IFT81: variants seen among roughly 807,000 people sequenced by gnomAD.
IFT81 encodes intraflagellar transport protein 81 homolog.
A neutral mutation model predicts 102.6 loss-of-function variants in IFT81; 72 were observed. The observed-to-expected ratio is 0.70, with a 90% CI of 0.58 to 0.85. IFT81 has a LOEUF of 0.85. Ranked by LOEUF, IFT81 falls within the 40% of genes least tolerant of loss-of-function variation. The pLI is 0.00. For synonymous variants in IFT81, 237 were observed against 242.7 expected (o/e 0.98, Z 0.22); for missense variants, 723 against 787.3 (o/e 0.92, Z 0.98).
chr12:110,205,584 T>A lies in IFT81; in HGVS notation c.1717-11T>A, dbSNP rs776686892. ...CAAAGTCTTCCCTAAAACTGAAGTC[T>A]TTCTATTTAGAACCTAGAAGTTCAA... is the stretch of plus-strand genomic sequence containing the variant. On this transcript the variant is annotated splice_polypyrimidine_tract_variant and intron_variant, in intron 16 of 18. Transcript: ENST00000242591. The A allele has an allele frequency of 7.5e-6, 12 of 1,596,770 alleles. No individual in the cohort carries two copies. The highest frequency in any genetic ancestry group is 7.7e-6 in the Non-Finnish European group (9 of 1,174,398).
intron 8 of IFT81, among the ~76,000 whole-genome samples, chr12:110,142,314 T>C (rs7132770): frequency 1.1e-3 from 160 of 152,176 alleles, no homozygotes; most frequent in African/African-American, 3.8e-3. Flanking sequence ...ACTACAGGCA[T>C]GTGCCACCAT....
At chr12:110,176,995 A>G (rs1403580344) in intron 11 of IFT81, among the ~76,000 whole-genome samples, 3 of 152,248 alleles carry the variant, frequency 2.0e-5, no homozygotes, top group African/African-American at 4.8e-5. Context: ...AATAGCATAT[A>G]TAGTTACTCT....
intron 4 of IFT81, among the ~76,000 whole-genome samples, chr12:110,131,786 A>T (rs1894179426): frequency 6.6e-6 from 1 of 152,234 alleles, no homozygotes; most frequent in Admixed American, 6.5e-5. Flanking sequence ...ACAGAAAATT[A>T]TAATAGTCAG....
chr12:110,208,208 T>C (rs1868935557), intron 17 of IFT81, among the ~76,000 whole-genome samples: 1 of 152,158 alleles, frequency 6.6e-6, no homozygotes, highest in Admixed American at 6.6e-5. Context: ...TATATAAAAA[T>C]AAGATTAAAC....
chr12:110,205,621 T>G lies in IFT81; in HGVS notation c.1743T>G (p.Ala581=). 6.2e-7 allele frequency: 1 copy of G among 1,604,802 alleles called. No individual in the cohort carries two copies. Among genetic ancestry groups the G allele is most frequent in the Non-Finnish European group, 8.5e-7 (1 of 1,177,456 alleles). ...IKNLEVQLRR[A]TDEMKAYISS... ...ACCTAGAAGTTCAACTTCGTCGTGC[T>G]ACTGATGAGATGAAGGCATATATCT... The change falls in exon 17 of 19, where the codon GCT becomes GCG. Residue 581 remains alanine (A), a synonymous_variant. Transcript: ENST00000242591.
chr12:110,147,178 A>C, intron 10 of IFT81, 130 bp downstream of exon 10: 5 of 594,980 alleles, frequency 8.4e-6, no homozygotes, highest in Non-Finnish European at 1.1e-5. Context: ...GCTAATCTCC[A>C]TAGTATATCA....
At chr12:110,167,827 AT>A (rs749039759) in intron 11 of IFT81, 76 of 280,894 alleles carry the variant, frequency 2.7e-4, no homozygotes, top group South Asian at 4.7e-4. Flanking sequence ...TGTAAGTACA[AT>A]TTTTTTTTAT....
At chr12:110,132,824 C>T (rs927481219) in intron 5 of IFT81, among the ~76,000 whole-genome samples, 188 bp downstream of exon 5, 2 of 152,032 alleles carry the variant, frequency 1.3e-5, no homozygotes, top group African/African-American at 2.4e-5. Context: ...GGTAAATTCA[C>T]GATGAGTAGT....
chr12:110,197,236 ATAGG>A (rs1203931279), intron 14 of IFT81, among the ~76,000 whole-genome samples: 135 of 140,524 alleles, frequency 9.6e-4, no homozygotes, highest in Middle Eastern at 3.7e-3. Context: ...AGATAAGTAG[ATAGG>A]TAGGTAGGTA....
At chr12:110,209,646 G>C (rs1217858531) in intron 18 of IFT81, among the ~76,000 whole-genome samples, 2 of 151,822 alleles carry the variant, frequency 1.3e-5, no homozygotes, top group Non-Finnish European at 2.9e-5. Flanking sequence ...GCAGGCGCCT[G>C]TAATCCCAGC....
chr12:110,179,773 T>TACATACACACAC (rs1555266292), intron 11 of IFT81, among the ~76,000 whole-genome samples: 1 of 50,492 alleles, frequency 2.0e-5, no homozygotes, highest in East Asian at 1.7e-3. Context: ...TATATATATA[T>TACATACACACAC]ACACACACAC....
chr12:110,176,435 G>A (rs536605122), intron 11 of IFT81, among the ~76,000 whole-genome samples: 2 of 152,324 alleles, frequency 1.3e-5, no homozygotes, highest in East Asian at 3.9e-4. Context: ...TCATCTGAGT[G>A]TACAGCAGAG....
Position 110,176,219 on chromosome 12 carries a change from C to A in IFT81, c.1189-4203C>A, listed in dbSNP as rs565553660. ...CCCTGTGTCCCCAGTCACCAGCCTC[C>A]TGGTCCACACTTCTGATACAACTTC... is the stretch of plus-strand genomic sequence containing the variant. On this transcript the variant is annotated intron_variant, in intron 11 of 18. Coordinates refer to ENST00000242591, the MANE Select transcript of IFT81 (RefSeq NM_014055.4). 2.6e-5 allele frequency among the ~76,000 whole-genome samples: 4 copies of A among 152,306 alleles called. No homozygotes were observed. In the East Asian group the frequency reaches 7.7e-4, roughly 29 times the overall value.
intron 12 of IFT81, among the ~76,000 whole-genome samples, chr12:110,185,784 G>A (rs1441092930): frequency 6.6e-6 from 1 of 151,296 alleles, no homozygotes; most frequent in Non-Finnish European, 1.5e-5. Context: ...TTTTTTTTCA[G>A]ACATGGGGTC....
intron 11 of IFT81, chr12:110,169,031 T>TCCTTCCTTCCTC (rs1566138586): frequency 1.4e-5 from 1 of 72,760 alleles, no homozygotes; most frequent in Non-Finnish European, 3.4e-5. Flanking sequence ...CTCCCTTCCT[T>TCCTTCCTTCCTC]CCTTCCTTCC....
chr12:110,154,596 C>T (rs1163380068), intron 10 of IFT81, among the ~76,000 whole-genome samples: 3 of 139,906 alleles, frequency 2.1e-5, no homozygotes, highest in Admixed American at 7.5e-5. Context: ...CTCTGCATTA[C>T]AGCCTGGGTG....
At chr12:110,205,213 GAC>G in intron 15 of IFT81, 1 of 319,908 alleles carries the variant, frequency 3.1e-6, no homozygotes, top group Non-Finnish European at 5.6e-6. Context: ...CATCCTGAGT[GAC>G]AGAGTGAGAC....
intron 10 of IFT81, among the ~76,000 whole-genome samples, chr12:110,150,209 C>T (rs917279896): frequency 2.2e-4 from 34 of 151,898 alleles, no homozygotes; most frequent in African/African-American, 7.0e-4. Context: ...TGGGTTCAAG[C>T]GATTCTCCTG....
chr12:110,194,443 C>A (rs1008207090), intron 14 of IFT81, among the ~76,000 whole-genome samples: 3 of 149,424 alleles, frequency 2.0e-5, no homozygotes, highest in African/African-American at 7.4e-5. Context: ...TTTTTTTATT[C>A]ATTTAATTTT....
Sources: gnomAD v4.1 joint callset for allele counts (sites outside exome capture counted in the v4.1 genomes callset) on GRCh38, gnomAD v4.1.1 for gene constraint, MANE v1.5 for transcripts, NCBI Gene and HGNC (gene_info 2026-07-23, HGNC 2026-07-21) for gene names.